Variants in FUT7 observed in about 807,000 individuals in gnomAD.
FUT7 encodes the protein fucosyltransferase 7, also known as alpha-(1,3)-fucosyltransferase 7.
Under a neutral mutation model 5.0 loss-of-function variants are expected in FUT7, and 2 were observed. The ratio of observed to expected loss-of-function variants is 0.40; its 90% CI spans 0.16 to 1.26. The LOEUF is 1.26. FUT7 is among the 50% of genes most tolerant of loss of function. The probability of loss-of-function intolerance (pLI) is 0.32; values close to 1 mark genes in which losing one functional copy is unlikely to be tolerated. For missense variants in FUT7, 461 were observed against 489.8 expected, an observed-to-expected ratio of 0.94 and a Z score of 0.55; for synonymous variants, 218 against 210.6, an observed-to-expected ratio of 1.03 and a Z score of -0.30.
Position 137,031,476 on chromosome 9 carries a change from G to T in FUT7, c.263C>A (p.Ala88Asp). The part of the protein sequence containing the change: ...LSANRSLLAS[A>D]DAVVFHHREL... Reference sequence around the variant, plus strand: ...GCGGTGGTGGAAGACCACGGCGTCGGCGCTGGCCAGCAGGCTTCGGTTGGC... The same window carrying T: ...GCGGTGGTGGAAGACCACGGCGTCGTCGCTGGCCAGCAGGCTTCGGTTGGC... Residue 88 changes from alanine (A) to aspartate (D), a missense_variant, in exon 2 of 2, where the codon GCC becomes GAC. Coordinates refer to ENST00000314412, the MANE Select transcript of FUT7 (RefSeq NM_004479.4). 4.5e-6 allele frequency: 7 copies of T among 1,552,948 alleles called. No homozygotes were observed. The highest frequency in any genetic ancestry group is 5.2e-6 in the Non-Finnish European group (6 of 1,148,896).
rs1564239774 is a variant in FUT7, at chr9:137,031,556, T to TG, written c.182dup (p.Glu62ArgfsTer64). On this transcript the variant is annotated frameshift_variant, in exon 2 of 2. Transcript: ENST00000314412. LOFTEE classifies it low-confidence loss of function (END_TRUNC). ...GGGTGCAGGTGTCGCTGGGCAGCTCTGGGGGCTGGTCAGTGAAGGGCCAGT... is the reference window on the plus strand; with the variant it reads ...GGGTGCAGGTGTCGCTGGGCAGCTCTGGGGGGCTGGTCAGTGAAGGGCCAGT... 6 of 1,566,346 alleles carry TG rather than the reference T, an allele frequency of 3.8e-6. No individual in the cohort carries two copies. Among genetic ancestry groups the TG allele is most frequent in the Non-Finnish European group, 5.2e-6 (6 of 1,156,998 alleles).
At position 137,031,655 on chromosome 9, in the gene FUT7, C is replaced by T. The variant is rs1380190570; in HGVS notation, c.84G>A (p.Trp28Ter). ...LAGVALLAAL[W>*]LLWLLGSAPR... ...GGGCTGACCCCAGCAGCCACAGGAG[C>T]CAGAGGGCAGCGAGCAGAGCCACCC... Residue 28 changes from tryptophan to a stop codon, truncating the protein, a stop_gained, in exon 2 of 2, where the codon TGG becomes TGA. Coordinates refer to ENST00000314412, the MANE Select transcript of FUT7 (RefSeq NM_004479.4). LOFTEE classifies it low-confidence loss of function (END_TRUNC). The T allele has an allele frequency of 6.4e-7, 1 of 1,553,322 alleles. No individual in the cohort carries two copies. Among genetic ancestry groups the T allele is most frequent in the Non-Finnish European group, 8.7e-7 (1 of 1,149,718 alleles).
In FUT7 at chr9:137,031,962, G is replaced by A. The variant is rs763695121; in HGVS notation, c.13+17C>T. 12 of 1,611,328 alleles carry A rather than the reference G, an allele frequency of 7.4e-6. No individual in the cohort carries two copies. The highest frequency in any genetic ancestry group is 1.7e-5 in the Admixed American group (1 of 59,892). On this transcript the variant is annotated intron_variant, in intron 1 of 1. Coordinates refer to ENST00000314412, the MANE Select transcript of FUT7 (RefSeq NM_004479.4). ...AGCTGTCCCCAGCTTGGGCCTCCCC[G>A]AGGGCCAGACACTCACCAGCATTAT...
rs1424556782 is a variant in FUT7 at position 137,030,500 on chromosome 9, C to G, written c.*210G>C. On this transcript the variant is annotated 3_prime_UTR_variant, in exon 2 of 2. Transcript: ENST00000314412. ...GGGTCCTCGGCAGCCTTTCCCCTCC[C>G]GTCTGCCGCAGCAGGCACCCGTTAC... 2 of 635,368 alleles carry G rather than the reference C, an allele frequency of 3.1e-6. No individual in the cohort carries two copies. The highest frequency in any genetic ancestry group is 1.8e-5 in the African/African-American group (1 of 55,058). The allele number at this position is 635,368 out of a possible 1,614,324, so 39.4% of individuals were successfully genotyped here. A position where few individuals can be genotyped will look rare whatever the true frequency, so the allele number is the denominator to read the frequency against.
intron 1 of FUT7, 106 bp from the exon 2 acceptor site, chr9:137,031,831 C>T (rs1440828640): frequency 1.4e-6 from 2 of 1,451,380 alleles, no homozygotes; most frequent in East Asian, 2.5e-5. Context: ...CTCAGGGACA[C>T]CCACATGCCC....
At position 137,031,592 on chromosome 9, in the gene FUT7, G is replaced by C; in HGVS notation, c.147C>G (p.Ile49Met). The change falls in exon 2 of 2, where the codon ATC becomes ATG. Residue 49 changes from isoleucine (I) to methionine (M), a missense_variant. Coordinates refer to ENST00000314412, the MANE Select transcript of FUT7 (RefSeq NM_004479.4). ...CAGTGAAGGGCCAGTGCCAGACAAGGATGGTGATCGTGGGCTGGGGTGCCG... is the reference window on the plus strand; with the variant it reads ...CAGTGAAGGGCCAGTGCCAGACAAGCATGGTGATCGTGGGCTGGGGTGCCG... ...GTPAPQPTIT[I>M]LVWHWPFTDQ... 6.4e-7 allele frequency: 1 copy of C among 1,568,304 alleles called. No homozygotes were observed. The highest frequency in any genetic ancestry group is 8.6e-7 in the Non-Finnish European group (1 of 1,158,260).
chr9:137,031,367 A>G lies in FUT7; in HGVS notation c.372T>C (p.Pro124=). The G allele has an allele frequency of 6.3e-7, 1 of 1,592,230 alleles. No homozygotes were observed. Among genetic ancestry groups the G allele is most frequent in the African/African-American group, 1.3e-5 (1 of 74,820 alleles). ...GGTGGCTGAGGCCGTGGGTGTGGCTAGGAGACTCCATGGAGGCCCACACCC... is the reference window on the plus strand; with the variant it reads ...GGTGGCTGAGGCCGTGGGTGTGGCTGGGAGACTCCATGGAGGCCCACACCC... ...QPWVWASMES[P]SHTHGLSHLR... The change falls in exon 2 of 2, where the codon CCT becomes CCC. Residue 124 remains proline, a synonymous_variant. Coordinates refer to ENST00000314412, the MANE Select transcript of FUT7 (RefSeq NM_004479.4).
rs1231291580 is a variant in FUT7 at position 137,031,648 on chromosome 9, A to T, written c.91T>A (p.Trp31Arg). ...CCCCGAGGGGCTGACCCCAGCAGCC[A>T]CAGGAGCCAGAGGGCAGCGAGCAGA... is the stretch of plus-strand genomic sequence containing the variant. Reference protein sequence around the residue: ...VALLAALWLLWLLGSAPRGTP... With the variant: ...VALLAALWLLRLLGSAPRGTP... The change falls in exon 2 of 2, where the codon TGG becomes AGG. Residue 31 changes from tryptophan (W) to arginine (R), a missense_variant. Physicochemically the swap from Trp to Arg is moderately radical, Grantham distance 101. Coordinates refer to ENST00000314412, the MANE Select transcript of FUT7 (RefSeq NM_004479.4). 1.3e-6 allele frequency: 2 copies of T among 1,554,276 alleles called. No homozygotes were observed. Among genetic ancestry groups the T allele is most frequent in the South Asian group, 1.2e-5 (1 of 84,404 alleles).
chr9:137,031,199 G>A lies in FUT7; in HGVS notation c.540C>T (p.Phe180=). 1 of 1,609,830 alleles carries A rather than the reference G, an allele frequency of 6.2e-7. No homozygotes were observed. Among genetic ancestry groups the A allele is most frequent in the Non-Finnish European group, 8.5e-7 (1 of 1,178,518 alleles). Residue 180 remains phenylalanine (F), a synonymous_variant, in exon 2 of 2, where the codon TTC becomes TTT. Transcript: ENST00000314412. ...GCCTGGCACGCAGCTGCCGCTCCTGGAAGTTGCTGACCACCCAGGCGGCCA... is the reference window on the plus strand; with the variant it reads ...GCCTGGCACGCAGCTGCCGCTCCTGAAAGTTGCTGACCACCCAGGCGGCCA... ...SRVAAWVVSN[F]QERQLRARLY... is the part of the protein sequence containing the mutation.
Position 137,031,983 on chromosome 9 carries a change from A to G in FUT7, c.9T>C (p.Asn3=), listed in dbSNP as rs1391615988. The G allele has an allele frequency of 1.2e-6, 2 of 1,612,612 alleles. No individual in the cohort carries two copies. Among genetic ancestry groups the G allele is most frequent in the Non-Finnish European group, 1.7e-6 (2 of 1,179,892 alleles). Residue 3 remains asparagine (N), a synonymous_variant, in exon 1 of 2, where the codon AAT becomes AAC. Transcript: ENST00000314412. MN[N]AGHGPTRRLR... ...CCCCGAGGGCCAGACACTCACCAGC[A>G]TTATTCATCCACAGTCTCCCAGGAT...
rs867805564 is a variant in FUT7 at position 137,030,484 on chromosome 9, G to A, written c.*226C>T. 1.3e-5 allele frequency: 8 copies of A among 611,158 alleles called. No homozygotes were observed. The Middle Eastern group carries it at 2.2e-3, about 167-fold the overall frequency. 37.9% of individuals were successfully genotyped at this position (611,158 alleles called of 1,614,324 possible). A position where few individuals can be genotyped will look rare whatever the true frequency, so the allele number is the denominator to read the frequency against. ...TTGTTCAGGGTGGGGAGGGTCCTCG[G>A]CAGCCTTTCCCCTCCCGTCTGCCGC... On this transcript the variant is annotated 3_prime_UTR_variant, in exon 2 of 2. Coordinates refer to ENST00000314412, the MANE Select transcript of FUT7 (RefSeq NM_004479.4).
chr9:137,030,507 C>T lies in FUT7; in HGVS notation c.*203G>A, dbSNP rs1304172305. Reference sequence around the variant, plus strand: ...CGGCAGCCTTTCCCCTCCCGTCTGCCGCAGCAGGCACCCGTTACCTCCCTC... The same window carrying T: ...CGGCAGCCTTTCCCCTCCCGTCTGCTGCAGCAGGCACCCGTTACCTCCCTC... On this transcript the variant is annotated 3_prime_UTR_variant, in exon 2 of 2. Coordinates refer to ENST00000314412, the MANE Select transcript of FUT7 (RefSeq NM_004479.4). 17 of 648,138 alleles carry T rather than the reference C, an allele frequency of 2.6e-5. No individual in the cohort carries two copies. Among genetic ancestry groups the T allele is most frequent in the Middle Eastern group, 4.0e-4 (1 of 2,522 alleles). The allele number at this position is 648,138 out of a possible 1,614,324, so 40.1% of individuals were successfully genotyped here.
Position 137,031,125 on chromosome 9 carries a change from G to A in FUT7, c.614C>T (p.Ala205Val), listed in dbSNP as rs1831843885. ...GCTGGCGCACAGTGGCCGTCCATTG[G>A]CACGGCCAAAGACATCCACCCGCAG... ...PHLRVDVFGRANGRPLCASCL... is the reference protein window; with the variant it reads ...PHLRVDVFGRVNGRPLCASCL... Residue 205 changes from alanine (A) to valine (V), a missense_variant, in exon 2 of 2, where the codon GCC becomes GTC. Transcript: ENST00000314412. 2.5e-6 allele frequency: 4 copies of A among 1,612,648 alleles called. No individual in the cohort carries two copies. Among genetic ancestry groups the A allele is most frequent in the Non-Finnish European group, 3.4e-6 (4 of 1,179,872 alleles).
In FUT7 at chr9:137,031,197, T is replaced by G; in HGVS notation, c.542A>C (p.Gln181Pro). The change falls in exon 2 of 2, where the codon CAG (glutamine) becomes CCG (proline). Residue 181 changes from glutamine (Q) to proline (P), a missense_variant. Physicochemically the swap from Gln to Pro is moderately conservative, Grantham distance 76. Transcript: ENST00000314412. ...CAGCCTGGCACGCAGCTGCCGCTCCTGGAAGTTGCTGACCACCCAGGCGGC... is the reference window on the plus strand; with the variant it reads ...CAGCCTGGCACGCAGCTGCCGCTCCGGGAAGTTGCTGACCACCCAGGCGGC... ...RVAAWVVSNF[Q>P]ERQLRARLYR... 1.2e-6 allele frequency: 2 copies of G among 1,609,818 alleles called. No individual in the cohort carries two copies. Among genetic ancestry groups the G allele is most frequent in the Non-Finnish European group, 1.7e-6 (2 of 1,178,454 alleles).
chr9:137,031,687 G>A lies in FUT7; in HGVS notation c.52C>T (p.Leu18=). The A allele has an allele frequency of 3.2e-6, 5 of 1,549,942 alleles. No homozygotes were observed. The highest frequency in any genetic ancestry group is 4.4e-6 in the Non-Finnish European group (5 of 1,148,294). Residue 18 remains leucine, a synonymous_variant, in exon 2 of 2, where the codon CTG becomes TTG. Transcript: ENST00000314412. The stretch of plus-strand genomic sequence containing the variant: ...GCAGCGAGCAGAGCCACCCCGGCCA[G>A]GACCCCCAAGCCTCGCAGCCTCCGG... The part of the protein sequence containing the change: ...PTRRLRGLGV[L]AGVALLAALW...
intron 1 of FUT7, 110 bp from the exon 2 acceptor site, chr9:137,031,835 C>T (rs968594807): frequency 1.2e-4 from 177 of 1,464,324 alleles, no homozygotes; most frequent in Non-Finnish European, 1.6e-4. Context: ...GGGACACCCA[C>T]ATGCCCCACT....
chr9:137,030,683 A>T lies in FUT7; in HGVS notation c.*27T>A. ...ATTTCGACACCCAGCCCTTCCACCC[A>T]CACCCACCTCCCCCGGCCAGCGGAT... On this transcript the variant is annotated 3_prime_UTR_variant, in exon 2 of 2. Transcript: ENST00000314412. The T allele has an allele frequency of 6.2e-7, 1 of 1,611,492 alleles. No individual in the cohort carries two copies. Among genetic ancestry groups the T allele is most frequent in the South Asian group, 1.1e-5 (1 of 90,858 alleles).
At position 137,030,677 on chromosome 9, in the gene FUT7, C is replaced by T; in HGVS notation, c.*33G>A. On this transcript the variant is annotated 3_prime_UTR_variant, in exon 2 of 2. Transcript: ENST00000314412. ...GGTTTGATTTCGACACCCAGCCCTT[C>T]CACCCACACCCACCTCCCCCGGCCA... 1 of 1,611,342 alleles carries T rather than the reference C, an allele frequency of 6.2e-7. No homozygotes were observed. Among genetic ancestry groups the T allele is most frequent in the Non-Finnish European group, 8.5e-7 (1 of 1,179,222 alleles).
Position 137,031,000 on chromosome 9 carries a change from C to G in FUT7, c.739G>C (p.Val247Leu), listed in dbSNP as rs748437662. 6.2e-7 allele frequency: 1 copy of G among 1,612,894 alleles called. No individual in the cohort carries two copies. Among genetic ancestry groups the G allele is most frequent in the South Asian group, 1.1e-5 (1 of 91,090 alleles). ...ITEKFWRNAL[V>L]AGTVPVVLGP... ...AGCACCACTGGCACAGTGCCAGCCACCAGTGCGTTGCGCCAGAATTTCTCC... is the reference window on the plus strand; with the variant it reads ...AGCACCACTGGCACAGTGCCAGCCAGCAGTGCGTTGCGCCAGAATTTCTCC... Residue 247 changes from valine to leucine, a missense_variant, in exon 2 of 2, where the codon GTG becomes CTG. Physicochemically the swap from Val to Leu is conservative, Grantham distance 32. Coordinates refer to ENST00000314412, the MANE Select transcript of FUT7 (RefSeq NM_004479.4).
Sources: allele counts gnomAD v4.1 joint callset, GRCh38; gene constraint gnomAD v4.1.1; transcripts MANE v1.5; gene names NCBI Gene and HGNC (gene_info 2026-07-23, HGNC 2026-07-21).